Variants in STARD13 observed in about 807,000 individuals in gnomAD.
The protein encoded by STARD13 is stAR-related lipid transfer protein 13.
Under a neutral mutation model 106.4 loss-of-function variants are expected in STARD13, and 62 were observed. That is an observed-to-expected ratio of 0.58 (90% CI 0.48 to 0.72). The LOEUF is 0.72. STARD13 is among the 30% of genes least tolerant of loss of function. The pLI, the probability that STARD13 is intolerant of heterozygous loss-of-function variation, is 0.00. For synonymous variants in STARD13, 565 were observed against 553.0 expected (o/e 1.02, Z -0.31); for missense variants, 1,387 against 1,424.0 (o/e 0.97, Z 0.42).
intron 1 of STARD13, among the ~76,000 whole-genome samples, chr13:33,319,720 GGTCTTGGCAAAATAA>G (rs1376648528): frequency 2.6e-5 from 4 of 152,106 alleles, no homozygotes; most frequent in African/African-American, 9.7e-5. Flanking sequence ...TCGTTAGTGA[GGTCTTGGCAAAATAA>G]GGGGTTGGAC....
chr13:33,640,018 G>A, the STARD13 span, among the ~76,000 whole-genome samples: 2 of 152,302 alleles, frequency 1.3e-5, no homozygotes, highest in Admixed American at 1.3e-4. Flanking sequence ...AATTTGCCTG[G>A]GGATAGTGAG....
chr13:33,160,847 A>G (rs1297368303), intron 3 of STARD13, among the ~76,000 whole-genome samples: 1 of 152,240 alleles, frequency 6.6e-6, no homozygotes, highest in Non-Finnish European at 1.5e-5. Flanking sequence ...TTCACTTTGG[A>G]AAAATTTGGT....
chr13:33,347,624 A>G (rs1594291669), downstream of STARD13, among the ~76,000 whole-genome samples: 1 of 152,312 alleles, frequency 6.6e-6, no homozygotes. Flanking sequence ...AGTATTTAGT[A>G]TAGTAATATG....
chr13:33,155,175 C>G (rs1362248818), intron 3 of STARD13, among the ~76,000 whole-genome samples: 2 of 152,028 alleles, frequency 1.3e-5, no homozygotes, highest in African/African-American at 4.8e-5. Flanking sequence ...GGCACCTCAC[C>G]CACCCAACAC....
At chr13:33,535,751 A>G in the STARD13 span, among the ~76,000 whole-genome samples, 5 of 152,292 alleles carry the variant, frequency 3.3e-5, no homozygotes, top group East Asian at 1.9e-4. Context: ...AAATGTGACT[A>G]TTGGTGTTTT....
chr13:33,525,480 T>C, the STARD13 span, among the ~76,000 whole-genome samples: 537 of 152,188 alleles, frequency 3.5e-3, 4 homozygotes, highest in African/African-American at 0.012. Flanking sequence ...AGGTTAACTA[T>C]GCAAATAAAA....
At chr13:33,502,757 T>A in the STARD13 span, among the ~76,000 whole-genome samples, 1 of 152,142 alleles carries the variant, frequency 6.6e-6, no homozygotes, top group Non-Finnish European at 1.5e-5. Context: ...AGTGGATAAG[T>A]TTTTGATGTG....
At chr13:33,128,837 T>C in intron 5 of STARD13, 92 bp downstream of exon 5, 1 of 1,312,726 alleles carries the variant, frequency 7.6e-7, no homozygotes, top group East Asian at 2.3e-5. Context: ...AGGCATTTAG[T>C]AAGTACTCTG....
the STARD13 span, among the ~76,000 whole-genome samples, chr13:33,404,066 T>C: frequency 7.4e-3 from 1,125 of 152,226 alleles, 5 homozygotes; most frequent in Non-Finnish European, 0.012. Flanking sequence ...TATTGATGAG[T>C]AGTAATACGC....
intron 1 of STARD13, among the ~76,000 whole-genome samples, chr13:33,262,424 C>T (rs551408195): frequency 6.6e-6 from 1 of 152,112 alleles, no homozygotes; most frequent in Non-Finnish European, 1.5e-5. Context: ...CACTTTTCAG[C>T]CTGCCTGTTA....
At chr13:33,443,172 A>T in the STARD13 span, among the ~76,000 whole-genome samples, 3 of 151,838 alleles carry the variant, frequency 2.0e-5, no homozygotes, top group Admixed American at 6.6e-5. Context: ...AGGTCAGGAG[A>T]TGAGACCATC....
At chr13:33,149,049 T>C (rs1488553579) in intron 3 of STARD13, among the ~76,000 whole-genome samples, 4 of 151,784 alleles carry the variant, frequency 2.6e-5, no homozygotes, top group Admixed American at 1.3e-4. Context: ...TTGCCAGGGG[T>C]TGGGGAGAGG....
the STARD13 span, among the ~76,000 whole-genome samples, chr13:33,457,352 A>T: frequency 3.3e-5 from 5 of 152,246 alleles, no homozygotes; most frequent in African/African-American, 9.6e-5. Context: ...CATCACTGAT[A>T]TTCCTCTCTA....
the STARD13 span, among the ~76,000 whole-genome samples, chr13:33,383,355 G>A: frequency 6.6e-6 from 1 of 151,926 alleles, no homozygotes; most frequent in Non-Finnish European, 1.5e-5. Context: ...CTCCCACCTG[G>A]GCAACAATGT....
chr13:33,502,948 G>T, the STARD13 span, among the ~76,000 whole-genome samples: 1 of 152,218 alleles, frequency 6.6e-6, no homozygotes, highest in Non-Finnish European at 1.5e-5. Flanking sequence ...AATAGTTTCA[G>T]AAGGAATGGT....
the STARD13 span, among the ~76,000 whole-genome samples, chr13:33,376,162 A>C: frequency 1.3e-5 from 2 of 152,176 alleles, no homozygotes; most frequent in African/African-American, 4.8e-5. Flanking sequence ...CCTAGCTTTA[A>C]GCACAGGTGA....
At chr13:33,155,222 C>T (rs1400170992) in intron 3 of STARD13, among the ~76,000 whole-genome samples, 1 of 152,134 alleles carries the variant, frequency 6.6e-6, no homozygotes, top group Non-Finnish European at 1.5e-5. Context: ...ACTCGCTCCT[C>T]CTTCATGGTT....
At chr13:33,649,638 T>C in the STARD13 span, among the ~76,000 whole-genome samples, 1 of 152,170 alleles carries the variant, frequency 6.6e-6, no homozygotes, top group Non-Finnish European at 1.5e-5. Context: ...TTAATGACTA[T>C]CTCCATCCAT....
the STARD13 span, among the ~76,000 whole-genome samples, chr13:33,373,739 A>T: frequency 6.6e-6 from 1 of 151,876 alleles, no homozygotes; most frequent in East Asian, 1.9e-4. Flanking sequence ...ACAGTGAAAT[A>T]CCATCTCAGA....
Sources: gnomAD v4.1 joint callset for allele counts (sites outside exome capture counted in the v4.1 genomes callset) on GRCh38, gnomAD v4.1.1 for gene constraint, MANE v1.5 for transcripts, NCBI Gene and HGNC (gene_info 2026-07-23, HGNC 2026-07-21) for gene names.